HS6ST3: variants seen among roughly 807,000 people sequenced by gnomAD.
HS6ST3 encodes heparan-sulfate 6-O-sulfotransferase 3.
A neutral mutation model predicts 36.7 loss-of-function variants in HS6ST3; 12 were observed. The observed-to-expected ratio is 0.33, with a 90% CI of 0.21 to 0.53. The LOEUF is 0.53. Ranked by LOEUF, HS6ST3 falls within the 20% of genes least tolerant of loss-of-function variation. HS6ST3 has a pLI of 0.95. For synonymous variants in HS6ST3, 240 were observed against 257.5 expected (o/e 0.93, Z 0.65); for missense variants, 584 against 640.9 (o/e 0.91, Z 0.96).
chr13:96,572,728 G>A (rs75344911), intron 1 of HS6ST3, among the ~76,000 whole-genome samples: 559 of 151,890 alleles, frequency 3.7e-3, no homozygotes, highest in African/African-American at 0.013. Flanking sequence ...TAACTCTAAA[G>A]CCTAAACTGT....
rs996400249 is a variant in HS6ST3, at chr13:96,836,883, G to C, written c.*3685G>C. 16 of 152,192 alleles carry C rather than the reference G, an allele frequency of 1.1e-4. No homozygotes were observed. Among genetic ancestry groups the C allele is most frequent in the Non-Finnish European group, 2.4e-4 (16 of 68,034 alleles). The allele number at this position is 152,192 out of a possible 1,614,324, so 9.4% of individuals were successfully genotyped here. On this transcript the variant is annotated 3_prime_UTR_variant, in exon 2 of 2. Coordinates refer to ENST00000376705, the MANE Select transcript of HS6ST3 (RefSeq NM_153456.4). ...TTACCAGACGCCTAGGCCCTCTCCT[G>C]TTGCTCTGTCATCCTAATGTGCTGC... is the stretch of plus-strand genomic sequence containing the variant.
intron 1 of HS6ST3, among the ~76,000 whole-genome samples, chr13:96,601,443 C>T (rs76197026): frequency 0.017 from 2,620 of 152,066 alleles, 75 homozygotes; most frequent in African/African-American, 0.058. Context: ...AATTCCCTAA[C>T]TGTGTTTATA....
intron 1 of HS6ST3, among the ~76,000 whole-genome samples, chr13:96,400,883 C>T (rs1033991005): frequency 2.0e-5 from 3 of 151,798 alleles, no homozygotes; most frequent in Non-Finnish European, 4.4e-5. Flanking sequence ...GAGTATTCTA[C>T]CTCCTGGTTT....
At chr13:96,831,954 CAAAA>C (rs35266831) in intron 1 of HS6ST3, among the ~76,000 whole-genome samples, 1,034 of 21,780 alleles carry the variant, frequency 0.047, 27 homozygotes, top group East Asian at 0.22. Flanking sequence ...GACTCCCTCT[CAAAA>C]AAAAAAAAAA....
chr13:96,293,020 T>A (rs2054837705), intron 1 of HS6ST3, among the ~76,000 whole-genome samples: 1 of 152,092 alleles, frequency 6.6e-6, no homozygotes, highest in Admixed American at 6.6e-5. Context: ...AATGAGAGAT[T>A]GTGGAGATAT....
rs2056158569 is a variant in HS6ST3, at chr13:96,537,101, A to G, written c.708-295389A>G. On this transcript the variant is annotated intron_variant, in intron 1 of 1. Transcript: ENST00000376705. ...AGACATACCCAAGATTGGGTAATTT[A>G]TAAAGAAAAAGGTTTAATGGACTTA... 2.6e-5 allele frequency among the ~76,000 whole-genome samples: 4 copies of G among 152,324 alleles called. No individual in the cohort carries two copies. In the South Asian group the frequency reaches 8.3e-4, roughly 32 times the overall value.
chr13:96,314,902 A>G (rs1488432084), intron 1 of HS6ST3, among the ~76,000 whole-genome samples: 3 of 152,168 alleles, frequency 2.0e-5, no homozygotes, highest in Non-Finnish European at 2.9e-5. Flanking sequence ...TACTTCATAT[A>G]ATTTCAAAAT....
chr13:96,524,478 G>A (rs987314787), intron 1 of HS6ST3, among the ~76,000 whole-genome samples: 5 of 152,238 alleles, frequency 3.3e-5, no homozygotes, highest in Admixed American at 2.6e-4. Flanking sequence ...GTGGAATCTA[G>A]AGAGGCAGTA....
chr13:96,332,437 A>G (rs892098846), intron 1 of HS6ST3, among the ~76,000 whole-genome samples: 5 of 152,188 alleles, frequency 3.3e-5, no homozygotes, highest in Non-Finnish European at 5.9e-5. Context: ...AACTCTAACA[A>G]TCTGTTGAAT....
At chr13:96,359,312 C>T (rs1244790500) in intron 1 of HS6ST3, among the ~76,000 whole-genome samples, 2 of 152,112 alleles carry the variant, frequency 1.3e-5, no homozygotes, top group Admixed American at 6.5e-5. Context: ...ATTGTTTGTA[C>T]TCCACAGTTG....
At chr13:96,592,966 T>C (rs2056388003) in intron 1 of HS6ST3, among the ~76,000 whole-genome samples, 1 of 151,994 alleles carries the variant, frequency 6.6e-6, no homozygotes, top group Non-Finnish European at 1.5e-5. Context: ...TACTTGGATA[T>C]TGATATATTT....
intron 1 of HS6ST3, among the ~76,000 whole-genome samples, chr13:96,774,251 C>T (rs1336192054): frequency 6.6e-6 from 1 of 152,062 alleles, no homozygotes; most frequent in Non-Finnish European, 1.5e-5. Context: ...CTGAAAATTC[C>T]AAAAACCAAA....
intron 1 of HS6ST3, among the ~76,000 whole-genome samples, chr13:96,514,728 T>C (rs948304720): frequency 6.6e-6 from 1 of 152,190 alleles, no homozygotes; most frequent in African/African-American, 2.4e-5. Context: ...TGCCAGTCTG[T>C]GGTATTTGTT....
intron 1 of HS6ST3, among the ~76,000 whole-genome samples, chr13:96,813,096 T>C (rs111930413): frequency 0.022 from 3,334 of 152,290 alleles, 106 homozygotes; most frequent in African/African-American, 0.075. Context: ...AAGCGCTTGC[T>C]TTTGAGACAG....
At chr13:96,552,792 G>T (rs753220023) in intron 1 of HS6ST3, among the ~76,000 whole-genome samples, 1 of 152,174 alleles carries the variant, frequency 6.6e-6, no homozygotes, top group Non-Finnish European at 1.5e-5. Flanking sequence ...GAGGTATAAG[G>T]ATGGTATTGA....
At chr13:96,391,054 C>T (rs942469979) in intron 1 of HS6ST3, among the ~76,000 whole-genome samples, 1 of 152,156 alleles carries the variant, frequency 6.6e-6, no homozygotes, top group African/African-American at 2.4e-5. Flanking sequence ...ATCCCAGCCA[C>T]GCCGTACATC....
At chr13:96,423,219 G>A (rs560280424) in intron 1 of HS6ST3, among the ~76,000 whole-genome samples, 3 of 152,198 alleles carry the variant, frequency 2.0e-5, no homozygotes, top group Admixed American at 6.5e-5. Context: ...AAATCAAAAT[G>A]CCCATTCATT....
chr13:96,118,377 A>G (rs2053903851), intron 1 of HS6ST3, among the ~76,000 whole-genome samples: 1 of 152,072 alleles, frequency 6.6e-6, no homozygotes, highest in Non-Finnish European at 1.5e-5. Context: ...GCATGAAACC[A>G]GTCATGCCAA....
At chr13:96,483,064 A>G (rs958138831) in intron 1 of HS6ST3, among the ~76,000 whole-genome samples, 1 of 152,250 alleles carries the variant, frequency 6.6e-6, no homozygotes, top group Non-Finnish European at 1.5e-5. Context: ...TATAGTCACC[A>G]TCCTCATGAG....
Sources: gnomAD v4.1 joint callset for allele counts (sites outside exome capture counted in the v4.1 genomes callset) on GRCh38, gnomAD v4.1.1 for gene constraint, MANE v1.5 for transcripts, NCBI Gene and HGNC (gene_info 2026-07-23, HGNC 2026-07-21) for gene names.